NBEA: variants seen among roughly 807,000 people sequenced by gnomAD.
NBEA encodes neurobeachin, also known as lysosomal-trafficking regulator 2.
In NBEA, 44 loss-of-function variants were observed where a neutral mutation model predicts 343.4. That is an observed-to-expected ratio of 0.13 (90% CI 0.10 to 0.16). NBEA has a LOEUF of 0.16. Ranked by LOEUF, NBEA falls within the 10% of genes least tolerant of loss-of-function variation. The pLI is 1.00. For missense variants in NBEA, 2,555 were observed against 3,631.3 expected (o/e 0.70, Z 7.62); for synonymous variants, 1,175 against 1,238.7 (o/e 0.95, Z 1.08).
intron 41 of NBEA, among the ~76,000 whole-genome samples, chr13:35,512,665 G>A (rs2077320848): frequency 6.6e-6 from 1 of 152,174 alleles, no homozygotes; most frequent in South Asian, 2.1e-4. Flanking sequence ...TTCAGCTTCA[G>A]TTCCTACTGC....
chr13:35,069,791 CCTGA>C lies in NBEA; in HGVS notation c.1240-115_1240-112del, dbSNP rs1419779484. ...AAGTAAGTAATACCACTGAATAGTC[CCTGA>C]CACATGAAAGGTACACAAGTAGTTT... On this transcript the variant is annotated intron_variant, in intron 8 of 58. Coordinates refer to ENST00000379939, the MANE Select transcript of NBEA (RefSeq NM_001385012.1). The C allele has an allele frequency of 1.0e-5, 6 of 599,694 alleles. No individual in the cohort carries two copies. In the African/African-American group the frequency reaches 1.2e-4, roughly 11 times the overall value. 37.1% of individuals were successfully genotyped at this position (599,694 alleles called of 1,614,324 possible).
At chr13:35,064,770 G>A (rs931924690) in intron 8 of NBEA, among the ~76,000 whole-genome samples, 11 of 151,692 alleles carry the variant, frequency 7.3e-5, no homozygotes, top group Non-Finnish European at 1.5e-4. Flanking sequence ...ACAGCCACAC[G>A]CAAAGGGAAG....
intron 1 of NBEA, among the ~76,000 whole-genome samples, chr13:35,021,954 A>G (rs1462757344): frequency 6.6e-6 from 1 of 152,080 alleles, no homozygotes; most frequent in Non-Finnish European, 1.5e-5. Flanking sequence ...AAATTTCTGT[A>G]TGTTTTCTTC....
chr13:35,445,121 G>A (rs1033571293), intron 39 of NBEA, among the ~76,000 whole-genome samples: 5 of 152,088 alleles, frequency 3.3e-5, no homozygotes, highest in Admixed American at 3.3e-4. Context: ...AATACCTGAT[G>A]TTGGATAGGC....
At chr13:34,980,769 C>T (rs1351489621) in intron 1 of NBEA, among the ~76,000 whole-genome samples, 2 of 152,074 alleles carry the variant, frequency 1.3e-5, no homozygotes. Context: ...TACTATTTAT[C>T]TAGTTGAAAA....
chr13:35,432,181 A>G, intron 38 of NBEA, 88 bp from the exon 39 acceptor site: 3 of 1,195,498 alleles, frequency 2.5e-6, no homozygotes, highest in Non-Finnish European at 3.4e-6. Flanking sequence ...CAATGAGACC[A>G]ACAAAATAAC....
chr13:35,056,471 A>G (rs2063265536), intron 7 of NBEA, among the ~76,000 whole-genome samples: 1 of 152,166 alleles, frequency 6.6e-6, no homozygotes, highest in Admixed American at 6.6e-5. Flanking sequence ...TATAACAGAT[A>G]GTCACTATTA....
chr13:35,443,267 C>T (rs537529630), intron 39 of NBEA, among the ~76,000 whole-genome samples: 20 of 152,038 alleles, frequency 1.3e-4, no homozygotes, highest in East Asian at 3.9e-4. Context: ...GGTAAAATTA[C>T]GTAAGATGCT....
chr13:35,015,508 A>T (rs1024112083), intron 1 of NBEA, among the ~76,000 whole-genome samples: 2 of 150,722 alleles, frequency 1.3e-5, no homozygotes, highest in African/African-American at 4.9e-5. Context: ...ACTACTTTCC[A>T]TTTTTTTTTA....
At chr13:35,452,955 T>A (rs2046380175) in intron 40 of NBEA, among the ~76,000 whole-genome samples, 1 of 152,218 alleles carries the variant, frequency 6.6e-6, no homozygotes, top group African/African-American at 2.4e-5. Context: ...GTCCATGGAA[T>A]CATATCCTCA....
chr13:35,213,184 G>T lies in NBEA; in HGVS notation c.5648+2005G>T, dbSNP rs113034533. ...TGACTAAAATGAGGTAGGAGTAATA[G>T]GTATACGAAGATGACCCAGCACCAT... On this transcript the variant is annotated intron_variant, in intron 33 of 58. Coordinates refer to ENST00000379939, the MANE Select transcript of NBEA (RefSeq NM_001385012.1). Among the ~76,000 whole-genome samples, 1,022 of 151,988 alleles carry T rather than the reference G, an allele frequency of 6.7e-3. 10 individuals carry two copies. Among genetic ancestry groups the T allele is most frequent in the African/African-American group, 0.024 (983 of 41,504 alleles).
chr13:35,542,732 A>G (rs2078890969), intron 41 of NBEA, among the ~76,000 whole-genome samples: 1 of 152,110 alleles, frequency 6.6e-6, no homozygotes, highest in Admixed American at 6.5e-5. Flanking sequence ...AAGACGTGAT[A>G]TCCAGTATGT....
intron 1 of NBEA, among the ~76,000 whole-genome samples, chr13:35,009,666 A>G (rs1183473503): frequency 2.0e-5 from 3 of 152,084 alleles, no homozygotes; most frequent in African/African-American, 7.2e-5. Flanking sequence ...AGTAGAGGAG[A>G]GACATGATCT....
chr13:35,352,849 A>C (rs1428357286), intron 38 of NBEA, among the ~76,000 whole-genome samples: 4 of 152,152 alleles, frequency 2.6e-5, no homozygotes, highest in African/African-American at 9.7e-5. Flanking sequence ...AGTACAACTA[A>C]AACCAAAATT....
chr13:35,182,254 A>G (rs1310175288), intron 28 of NBEA, 106 bp from the exon 29 acceptor site: 5 of 694,948 alleles, frequency 7.2e-6, no homozygotes, highest in Non-Finnish European at 1.1e-5. Flanking sequence ...AAAGTTACAT[A>G]TCATATTTTG....
intron 34 of NBEA, among the ~76,000 whole-genome samples, chr13:35,282,293 C>A (rs2035107062): frequency 6.6e-6 from 1 of 152,114 alleles, no homozygotes; most frequent in African/African-American, 2.4e-5. Flanking sequence ...AATCATATGA[C>A]TAACATGGTA....
chr13:35,542,434 G>T (rs746049813), intron 41 of NBEA, among the ~76,000 whole-genome samples: 1 of 152,006 alleles, frequency 6.6e-6, no homozygotes, highest in Non-Finnish European at 1.5e-5. Context: ...GAGTGACTTG[G>T]TTCTGTGATC....
At chr13:35,084,009 T>A (rs1326200608) in intron 10 of NBEA, among the ~76,000 whole-genome samples, 3 of 152,080 alleles carry the variant, frequency 2.0e-5, no homozygotes, top group Middle Eastern at 3.2e-3. Context: ...AGGGATCAAT[T>A]CAACAAGAAG....
At chr13:35,600,219 T>C (rs1480630259) in intron 47 of NBEA, among the ~76,000 whole-genome samples, 1 of 152,154 alleles carries the variant, frequency 6.6e-6, no homozygotes. Flanking sequence ...CTGAAGATAA[T>C]GGGTAAGGCA....
Sources: gnomAD v4.1 joint callset for allele counts (sites outside exome capture counted in the v4.1 genomes callset) on GRCh38, gnomAD v4.1.1 for gene constraint, MANE v1.5 for transcripts, NCBI Gene and HGNC (gene_info 2026-07-23, HGNC 2026-07-21) for gene names.